Variants in POU6F2 observed in about 807,000 individuals in gnomAD.
The protein encoded by POU6F2 is POU class 6 homeobox 2, also known as POU domain, class 6, transcription factor 2.
Under a neutral mutation model 71.3 loss-of-function variants are expected in POU6F2, and 31 were observed. The ratio of observed to expected loss-of-function variants is 0.43; its 90% CI spans 0.33 to 0.59. The LOEUF (loss-of-function observed/expected upper bound fraction) is 0.59, where lower values mean the gene tolerates loss of function less well. Ranked by LOEUF, POU6F2 falls within the 20% of genes least tolerant of loss-of-function variation. The probability of loss-of-function intolerance (pLI) is 0.04; values close to 1 mark genes in which losing one functional copy is unlikely to be tolerated. For missense variants in POU6F2, 783 were observed against 856.8 expected (o/e 0.91, Z 1.07); for synonymous variants, 347 against 355.7 (o/e 0.98, Z 0.27).
chr7:39,017,770 A>T (rs889079936), intron 1 of POU6F2, among the ~76,000 whole-genome samples: 1 of 151,654 alleles, frequency 6.6e-6, no homozygotes, highest in African/African-American at 2.4e-5. Flanking sequence ...TTTATATAAA[A>T]CATTCCAAAA....
intron 4 of POU6F2, among the ~76,000 whole-genome samples, chr7:39,226,955 G>A (rs915105995): frequency 1.4e-4 from 22 of 152,086 alleles, no homozygotes; most frequent in African/African-American, 4.8e-4. Flanking sequence ...AGATGGTCAC[G>A]ACTTTTTGAA....
chr7:39,413,602 A>G (rs1232472666), intron 6 of POU6F2, among the ~76,000 whole-genome samples: 1 of 152,198 alleles, frequency 6.6e-6, no homozygotes, highest in Non-Finnish European at 1.5e-5. Context: ...TTGCAATGTC[A>G]TTGTAGCAAA....
intron 4 of POU6F2, among the ~76,000 whole-genome samples, chr7:39,212,274 G>T (rs555647451): frequency 6.6e-6 from 1 of 152,288 alleles, no homozygotes; most frequent in African/African-American, 2.4e-5. Context: ...AGGCAGGCTG[G>T]ACATTGGCCT....
intron 4 of POU6F2, among the ~76,000 whole-genome samples, chr7:39,277,295 T>C (rs1290608541): frequency 6.6e-6 from 1 of 152,164 alleles, no homozygotes; most frequent in African/African-American, 2.4e-5. Flanking sequence ...TGTGCAGATT[T>C]GCTACATGGG....
chr7:39,242,026 A>G (rs986172423), intron 4 of POU6F2, among the ~76,000 whole-genome samples: 3 of 152,126 alleles, frequency 2.0e-5, no homozygotes, highest in Non-Finnish European at 4.4e-5. Flanking sequence ...AGATTCATCT[A>G]TGTTGTATGT....
At chr7:39,277,777 G>T (rs1784477067) in intron 4 of POU6F2, among the ~76,000 whole-genome samples, 1 of 152,054 alleles carries the variant, frequency 6.6e-6, no homozygotes, top group South Asian at 2.1e-4. Flanking sequence ...AAAGGTCGGG[G>T]GCCAGGAGCG....
intron 2 of POU6F2, among the ~76,000 whole-genome samples, chr7:39,109,592 G>T (rs1296597136): frequency 6.6e-6 from 1 of 152,024 alleles, no homozygotes; most frequent in African/African-American, 2.4e-5. Flanking sequence ...TGGTGTATGA[G>T]CTTATAATAT....
At chr7:39,260,497 C>G (rs1485631354) in intron 4 of POU6F2, among the ~76,000 whole-genome samples, 2 of 117,188 alleles carry the variant, frequency 1.7e-5, no homozygotes. Context: ...ACACACACAT[C>G]ATGCTTCACA....
chr7:39,263,264 A>G (rs1784172726), intron 4 of POU6F2, among the ~76,000 whole-genome samples: 1 of 152,212 alleles, frequency 6.6e-6, no homozygotes, highest in Non-Finnish European at 1.5e-5. Context: ...TTTTGAAATC[A>G]CCCAGAGTTT....
At chr7:39,035,921 A>AT (rs34391054) in intron 1 of POU6F2, among the ~76,000 whole-genome samples, 133,191 of 151,372 alleles carry the variant, frequency 0.88, 58,650 homozygotes, top group East Asian at 0.99. Context: ...TCAAATAAAC[A>AT]TTTTTTTTTA....
intron 1 of POU6F2, among the ~76,000 whole-genome samples, chr7:39,058,081 C>G (rs1277965466): frequency 6.6e-6 from 1 of 152,206 alleles, no homozygotes; most frequent in African/African-American, 2.4e-5. Context: ...CCTGCTCCAG[C>G]TCTTAGACTT....
chr7:39,114,313 G>A (rs1415182834), intron 2 of POU6F2, among the ~76,000 whole-genome samples: 3 of 152,146 alleles, frequency 2.0e-5, no homozygotes, highest in African/African-American at 7.2e-5. Flanking sequence ...TAAGAGGGAA[G>A]CTCATTCATC....
chr7:39,086,350 G>A (rs543576985), intron 2 of POU6F2, among the ~76,000 whole-genome samples: 1 of 152,258 alleles, frequency 6.6e-6, no homozygotes, highest in African/African-American at 2.4e-5. Flanking sequence ...TGTGAGAATT[G>A]GTTAACATTT....
intron 5 of POU6F2, among the ~76,000 whole-genome samples, chr7:39,360,618 AG>A (rs1274152179): frequency 4.1e-4 from 62 of 152,350 alleles, no homozygotes; most frequent in African/African-American, 1.4e-3. Flanking sequence ...GAAAGAATTC[AG>A]GGTAAGTCCA....
chr7:39,413,953 A>T (rs1271530036), intron 6 of POU6F2, among the ~76,000 whole-genome samples: 1 of 152,124 alleles, frequency 6.6e-6, no homozygotes, highest in African/African-American at 2.4e-5. Context: ...AAGATGCCCC[A>T]CAAACGACGG....
At chr7:39,265,454 A>G (rs776110986) in intron 4 of POU6F2, among the ~76,000 whole-genome samples, 1 of 152,248 alleles carries the variant, frequency 6.6e-6, no homozygotes, top group Non-Finnish European at 1.5e-5. Context: ...TGTTTGGCTC[A>G]TTTGAAAGTA....
At chr7:39,221,875 T>TTTA (rs1251978583) in intron 4 of POU6F2, among the ~76,000 whole-genome samples, 1 of 152,212 alleles carries the variant, frequency 6.6e-6, no homozygotes, top group African/African-American at 2.4e-5. Context: ...TATAGTTGTC[T>TTTA]TTATGGTTTA....
Position 39,015,625 on chromosome 7 carries a change from TAGA to T in POU6F2, c.105+37568_105+37570del, listed in dbSNP as rs1455522023. ...CTATGTTTTATATAGATCTACATTA[TAGA>T]TATATCTATGTTATATATAGATATA... On this transcript the variant is annotated intron_variant, in intron 1 of 9. Transcript: ENST00000518318. Among the ~76,000 whole-genome samples, 444 of 90,800 alleles carry T rather than the reference TAGA, an allele frequency of 4.9e-3. 1 individual carries two copies. The highest frequency in any genetic ancestry group is 6.6e-3 in the Non-Finnish European group (317 of 48,134). The allele number at this position is 90,800 out of a possible 152,430, so 59.6% of individuals were successfully genotyped here. A position where few individuals can be genotyped will look rare whatever the true frequency, so the allele number is the denominator to read the frequency against.
chr7:39,199,860 T>A (rs1396614764), intron 2 of POU6F2, among the ~76,000 whole-genome samples: 1 of 152,238 alleles, frequency 6.6e-6, no homozygotes, highest in Non-Finnish European at 1.5e-5. Flanking sequence ...TTTTGATGTC[T>A]TCACCATTTA....
Sources: allele counts gnomAD v4.1 joint callset (sites outside exome capture counted in the v4.1 genomes callset), GRCh38; gene constraint gnomAD v4.1.1; transcripts MANE v1.5; gene names NCBI Gene and HGNC (gene_info 2026-07-23, HGNC 2026-07-21).